Variants in MLIP observed in about 807,000 individuals in gnomAD.
MLIP encodes the protein muscular LMNA-interacting protein.
A neutral mutation model predicts 84.8 loss-of-function variants in MLIP; 79 were observed. The ratio of observed to expected loss-of-function variants is 0.93; its 90% CI spans 0.78 to 1.12. The LOEUF (loss-of-function observed/expected upper bound fraction) is 1.12. MLIP is among the 50% of genes most tolerant of loss of function. The pLI is 0.00. For synonymous variants in MLIP, 504 were observed against 463.0 expected, an observed-to-expected ratio of 1.09 and a Z score of -1.14; for missense variants, 1,257 against 1,160.6, an observed-to-expected ratio of 1.08 and a Z score of -1.21.
intron 1 of MLIP, among the ~76,000 whole-genome samples, chr6:54,024,209 A>G (rs892201665): frequency 2.6e-5 from 4 of 151,686 alleles, no homozygotes; most frequent in Non-Finnish European, 5.9e-5. Context: ...ATGGGGTTTC[A>G]CCATATTGGT....
Position 54,124,822 on chromosome 6 carries a change from C to G in MLIP, c.602C>G (p.Pro201Arg). ...QGTDLKTSSH[P>R]EMLHGMAPQQ... The stretch of plus-strand genomic sequence containing the variant: ...ACTGATCTCAAGACCTCATCACATC[C>G]TGAAATGCTTCATGGGATGGCCCCT... Residue 201 changes from proline to arginine, a missense_variant, in exon 3 of 14, where the codon CCT becomes CGT. By Grantham distance (103) the Pro-to-Arg change is moderately radical. Coordinates refer to ENST00000502396, the MANE Select transcript of MLIP (RefSeq NM_001281747.2). 1 of 1,610,160 alleles carries G rather than the reference C, an allele frequency of 6.2e-7. No homozygotes were observed. Among genetic ancestry groups the G allele is most frequent in the African/African-American group, 1.3e-5 (1 of 74,832 alleles).
At chr6:54,087,574 G>C (rs886876877) in intron 1 of MLIP, among the ~76,000 whole-genome samples, 2 of 152,116 alleles carry the variant, frequency 1.3e-5, no homozygotes, top group African/African-American at 4.8e-5. Context: ...GGCTATCTTT[G>C]AAAGCTTGGT....
chr6:54,183,305 G>A (rs182207002), intron 9 of MLIP, among the ~76,000 whole-genome samples: 1 of 152,258 alleles, frequency 6.6e-6, no homozygotes, highest in East Asian at 1.9e-4. Flanking sequence ...GTTTTAGGAA[G>A]AACTGGCAAC....
Position 54,176,224 on chromosome 6 carries a change from G to A in MLIP, c.2544+6652G>A, listed in dbSNP as rs1213061834. Among the ~76,000 whole-genome samples, 8 of 151,162 alleles carry A rather than the reference G, an allele frequency of 5.3e-5. No individual in the cohort carries two copies. The Middle Eastern group carries it at 0.014, about 259-fold the overall frequency. Reference sequence around the variant, plus strand: ...CGTATCTTTCTGGCTTTGGTATCAGGGTAATACTGGTCTCATTATAGAATG... The same window carrying A: ...CGTATCTTTCTGGCTTTGGTATCAGAGTAATACTGGTCTCATTATAGAATG... On this transcript the variant is annotated intron_variant, in intron 9 of 13. Transcript: ENST00000502396.
At chr6:54,181,010 T>G (rs1735784837) in intron 9 of MLIP, among the ~76,000 whole-genome samples, 1 of 152,134 alleles carries the variant, frequency 6.6e-6, no homozygotes, top group Non-Finnish European at 1.5e-5. Flanking sequence ...TTTTGGTTTC[T>G]TCCCTTACTT....
At chr6:54,174,000 G>T (rs1776037129) in intron 9 of MLIP, among the ~76,000 whole-genome samples, 1 of 151,528 alleles carries the variant, frequency 6.6e-6, no homozygotes, top group East Asian at 1.9e-4. Flanking sequence ...TTGTCCTTCT[G>T]TGCCTGGCTT....
At chr6:54,148,505 T>C (rs1773095099) in intron 4 of MLIP, among the ~76,000 whole-genome samples, 1 of 152,200 alleles carries the variant, frequency 6.6e-6, no homozygotes, top group Non-Finnish European at 1.5e-5. Context: ...TTTATGGAGT[T>C]ACATTGCTGA....
intron 11 of MLIP, among the ~76,000 whole-genome samples, chr6:54,210,730 G>A (rs200822758): frequency 4.0e-4 from 52 of 131,238 alleles, no homozygotes; most frequent in Admixed American, 8.0e-4. Flanking sequence ...CCAACGGAGG[G>A]AAAAAAAAAA....
intron 11 of MLIP, chr6:54,215,162 A>G (rs1562067605): frequency 2.0e-6 from 3 of 1,535,638 alleles, no homozygotes; most frequent in Non-Finnish European, 1.7e-6. Flanking sequence ...GTGGACTCCT[A>G]CTGCAACGGA....
intron 10 of MLIP, 147 bp from the exon 11 acceptor site, chr6:54,201,957 GT>G (rs1314884819): frequency 3.9e-6 from 2 of 508,430 alleles, no homozygotes; most frequent in Admixed American, 4.3e-5. Context: ...ACTTCAGGCT[GT>G]TTTTATGCAT....
intron 1 of MLIP, among the ~76,000 whole-genome samples, chr6:54,076,449 A>G (rs1766808628): frequency 6.6e-6 from 1 of 152,216 alleles, no homozygotes; most frequent in East Asian, 1.9e-4. Flanking sequence ...GTATTGCAAA[A>G]GACTCTGGAC....
Position 54,124,604 on chromosome 6 carries a change from A to C in MLIP, c.384A>C (p.Gln128His), listed in dbSNP as rs1352902434. The C allele has an allele frequency of 6.2e-7, 1 of 1,614,190 alleles. No homozygotes were observed. Among genetic ancestry groups the C allele is most frequent in the African/African-American group, 1.3e-5 (1 of 75,056 alleles). ...GGGAATTCGAAGCAAACAAACTTCA[A>C]GGGATGCAGCAAAGTGACCTCTTCA... Reference protein sequence around the residue: ...QEREFEANKLQGMQQSDLFKA... With the variant: ...QEREFEANKLHGMQQSDLFKA... Residue 128 changes from glutamine to histidine, a missense_variant, in exon 3 of 14, where the codon CAA (glutamine) becomes CAC (histidine). By Grantham distance (24) the Gln-to-His change is conservative. Transcript: ENST00000502396.
intron 1 of MLIP, among the ~76,000 whole-genome samples, chr6:54,078,497 C>T (rs922439763): frequency 2.6e-5 from 4 of 152,072 alleles, no homozygotes; most frequent in African/African-American, 9.7e-5. Flanking sequence ...GGTGAGCAGA[C>T]TGCTTCAGCC....
intron 2 of MLIP, among the ~76,000 whole-genome samples, chr6:54,122,579 C>CA (rs1770549025): frequency 6.6e-6 from 1 of 152,178 alleles, no homozygotes; most frequent in Non-Finnish European, 1.5e-5. Flanking sequence ...TACAAGAAAA[C>CA]ATCTTATCTA....
chr6:54,205,776 T>TA (rs1225511778), intron 11 of MLIP, among the ~76,000 whole-genome samples: 6 of 152,078 alleles, frequency 3.9e-5, no homozygotes, highest in Middle Eastern at 3.2e-3. Flanking sequence ...GATTTTTTTT[T>TA]AAAAAAACGA....
At chr6:54,113,403 C>A (rs1009915739) in intron 1 of MLIP, among the ~76,000 whole-genome samples, 1 of 152,100 alleles carries the variant, frequency 6.6e-6, no homozygotes, top group Non-Finnish European at 1.5e-5. Flanking sequence ...GATAATACAT[C>A]TAGAAGGCCT....
In MLIP at chr6:54,077,475, C is replaced by T. The variant is rs976324633; in HGVS notation, c.64-43972C>T. 3.9e-5 allele frequency among the ~76,000 whole-genome samples: 6 copies of T among 152,040 alleles called. No individual in the cohort carries two copies. In the South Asian group the frequency reaches 6.2e-4, roughly 16 times the overall value. On this transcript the variant is annotated intron_variant, in intron 1 of 12. Coordinates refer to the MLIP transcript ENST00000274897. ...TTGCAAATCTATGAAAAACAGACTA[C>T]ATTCAAAGCTTTAATATTCAAAACA...
At chr6:54,043,234 T>A (rs1225644155) in intron 1 of MLIP, 1 of 152,236 alleles carries the variant, frequency 6.6e-6, no homozygotes, top group African/African-American at 2.4e-5. Context: ...CTGGGACTTC[T>A]TAGATAATGT....
chr6:54,183,743 GTTTTT>G (rs3996970), intron 9 of MLIP, among the ~76,000 whole-genome samples: 1 of 116,724 alleles, frequency 8.6e-6, no homozygotes, highest in Admixed American at 1.0e-4. Context: ...GACAGGGTAA[GTTTTT>G]TTTTTTTTTT....
Sources: allele counts gnomAD v4.1 joint callset (sites outside exome capture counted in the v4.1 genomes callset), GRCh38; gene constraint gnomAD v4.1.1; transcripts MANE v1.5; gene names NCBI Gene and HGNC (gene_info 2026-07-23, HGNC 2026-07-21).